The following CERS6 variants were observed in gnomAD, a reference collection of about 807,000 sequenced individuals.
The protein encoded by CERS6 is LAG1 homolog, ceramide synthase 6.
A neutral mutation model predicts 56.8 loss-of-function variants in CERS6; 26 were observed. That is an observed-to-expected ratio of 0.46 (90% CI 0.34 to 0.63). The LOEUF is 0.63. Ranked by LOEUF, CERS6 falls within the 30% of genes least tolerant of loss-of-function variation. CERS6 has a pLI of 0.01. For missense variants in CERS6, 415 were observed against 467.5 expected (o/e 0.89, Z 1.04); for synonymous variants, 164 against 173.3 (o/e 0.95, Z 0.42).
intron 1 of CERS6, among the ~76,000 whole-genome samples, chr2:168,546,821 T>C (rs1472628771): frequency 6.6e-6 from 1 of 152,224 alleles, no homozygotes; most frequent in Non-Finnish European, 1.5e-5. Context: ...TTTTACACAG[T>C]TTTATTAGCA....
chr2:168,468,871 G>A (rs1488253285), intron 1 of CERS6, among the ~76,000 whole-genome samples: 1 of 137,538 alleles, frequency 7.3e-6, no homozygotes, highest in East Asian at 2.3e-4. Context: ...GAGGAATGGG[G>A]CTTTGTCCAC....
rs2105321850 is a variant in CERS6 at position 168,467,448 on chromosome 2, C to T, written c.170+10830C>T. Among the ~76,000 whole-genome samples the T allele has an allele frequency of 1.3e-5, 2 of 152,268 alleles. 1 individual carries two copies. The highest frequency in any genetic ancestry group is 4.1e-4 in the South Asian group (2 of 4,824). On this transcript the variant is annotated intron_variant, in intron 1 of 9. Transcript: ENST00000305747. ...CTTTGTATGTCAGTGGGTGTGTGTACATCTTTGCATGGATAGACTTGATAA... is the reference window on the plus strand; with the variant it reads ...CTTTGTATGTCAGTGGGTGTGTGTATATCTTTGCATGGATAGACTTGATAA...
chr2:168,591,487 C>T (rs1015478962), intron 3 of CERS6, among the ~76,000 whole-genome samples: 1 of 152,162 alleles, frequency 6.6e-6, no homozygotes, highest in East Asian at 1.9e-4. Flanking sequence ...GTGTGTCTCA[C>T]CCTTGAAATA....
chr2:168,641,992 TTAAG>T (rs1175066172), intron 4 of CERS6, among the ~76,000 whole-genome samples: 2 of 152,190 alleles, frequency 1.3e-5, no homozygotes, highest in Non-Finnish European at 2.9e-5. Context: ...GGTATAGTAA[TTAAG>T]TGAGAATTCT....
chr2:168,456,392 CG>C lies in CERS6; in HGVS notation c.-56del. 1 of 1,426,394 alleles carries C rather than the reference CG, an allele frequency of 7.0e-7. No individual in the cohort carries two copies. Among genetic ancestry groups the C allele is most frequent in the Non-Finnish European group, 9.4e-7 (1 of 1,066,702 alleles). 88.4% of individuals were successfully genotyped at this position (1,426,394 alleles called of 1,614,324 possible). A position where few individuals can be genotyped will look rare whatever the true frequency, so the allele number is the denominator to read the frequency against. On this transcript the variant is annotated 5_prime_UTR_variant, in exon 1 of 10. Coordinates refer to ENST00000305747, the MANE Select transcript of CERS6 (RefSeq NM_203463.3). This position sits in a 1 kb window ranked among gnomAD's most constrained non-coding sequence, Gnocchi z 4.1. ...CGGGCGCGCATCCCCGGGCGCCCTG[CG>C]CGGTGGAGAGCTTGGCGGGCTGCGG...
At chr2:168,533,091 T>C (rs1695196453) in intron 1 of CERS6, among the ~76,000 whole-genome samples, 1 of 152,262 alleles carries the variant, frequency 6.6e-6, no homozygotes, top group Admixed American at 6.5e-5. Context: ...CTCTTCCTGA[T>C]AACAAATTTT....
intron 8 of CERS6, among the ~76,000 whole-genome samples, chr2:168,735,156 T>C (rs1240796405): frequency 2.6e-5 from 4 of 152,214 alleles, no homozygotes; most frequent in Non-Finnish European, 5.9e-5. Flanking sequence ...CCCTCCTCAA[T>C]TGAACAGTAT....
chr2:168,588,158 A>G lies in CERS6; in HGVS notation c.407+26836A>G, dbSNP rs78838293. On this transcript the variant is annotated intron_variant, in intron 3 of 9. Transcript: ENST00000305747. ...TAGTATCGACCTCCTGGCCTTAAGT[A>G]TTCCTCCTGTCTCAGCCTTCCAAAA... 4.4e-3 allele frequency among the ~76,000 whole-genome samples: 645 copies of G among 147,720 alleles called. 7 individuals are homozygous for G. Among genetic ancestry groups the G allele is most frequent in the African/African-American group, 0.015 (600 of 39,920 alleles).
At chr2:168,516,141 C>T (rs1031344654) in intron 1 of CERS6, among the ~76,000 whole-genome samples, 3 of 152,056 alleles carry the variant, frequency 2.0e-5, no homozygotes, top group Non-Finnish European at 2.9e-5. Flanking sequence ...AGGTTTGCCA[C>T]GTGGAAATGG....
chr2:168,570,044 A>G (rs1366396092), intron 3 of CERS6, among the ~76,000 whole-genome samples: 1 of 152,146 alleles, frequency 6.6e-6, no homozygotes, highest in African/African-American at 2.4e-5. Flanking sequence ...CCCTGGCCAC[A>G]TGGCTTCCTC....
At chr2:168,572,881 C>A (rs890374989) in intron 3 of CERS6, among the ~76,000 whole-genome samples, 2 of 152,112 alleles carry the variant, frequency 1.3e-5, no homozygotes, top group African/African-American at 4.8e-5. Context: ...TTGTAAGGCC[C>A]CCCAAAATGT....
chr2:168,643,997 G>A (rs375323960), intron 4 of CERS6, among the ~76,000 whole-genome samples: 2 of 152,140 alleles, frequency 1.3e-5, no homozygotes, highest in African/African-American at 4.8e-5. Context: ...GAAGGCATTC[G>A]CTAGTATATC....
At chr2:168,721,661 C>G (rs998298400) in intron 8 of CERS6, among the ~76,000 whole-genome samples, 2 of 149,046 alleles carry the variant, frequency 1.3e-5, no homozygotes, top group Non-Finnish European at 3.0e-5. Flanking sequence ...CTCTGTTGGC[C>G]AGGCTGGGCT....
intron 8 of CERS6, among the ~76,000 whole-genome samples, chr2:168,735,562 T>C (rs1683687776): frequency 6.6e-6 from 1 of 152,098 alleles, no homozygotes; most frequent in Non-Finnish European, 1.5e-5. Context: ...GGTGAGCTTT[T>C]GTCACCAACA....
intron 2 of CERS6, among the ~76,000 whole-genome samples, chr2:168,552,346 GTATA>G (rs1695587639): frequency 1.3e-5 from 1 of 76,690 alleles, no homozygotes; most frequent in South Asian, 5.0e-4. Flanking sequence ...TACATACAGA[GTATA>G]CACACACACA....
At chr2:168,760,842 G>T (rs959240385) in intron 8 of CERS6, among the ~76,000 whole-genome samples, 24 of 151,906 alleles carry the variant, frequency 1.6e-4, no homozygotes, top group Non-Finnish European at 2.6e-4. Context: ...TGCAAGCTCC[G>T]CCTCCCGGGT....
intron 4 of CERS6, among the ~76,000 whole-genome samples, chr2:168,643,462 T>C: frequency 6.6e-6 from 1 of 152,182 alleles, no homozygotes; most frequent in East Asian, 1.9e-4. Flanking sequence ...TTCTATGTAG[T>C]ACAAGAAGTG....
At chr2:168,669,998 A>G (rs920275715) in intron 4 of CERS6, among the ~76,000 whole-genome samples, 3 of 152,246 alleles carry the variant, frequency 2.0e-5, no homozygotes, top group African/African-American at 7.2e-5. Flanking sequence ...AGTATACTCC[A>G]TCGGATTCAT....
intron 1 of CERS6, among the ~76,000 whole-genome samples, chr2:168,505,289 G>C (rs1694655513): frequency 6.6e-6 from 1 of 150,824 alleles, no homozygotes; most frequent in Non-Finnish European, 1.5e-5. Context: ...GGCTGAGGTG[G>C]GAGGATTGAT....
Sources: allele counts gnomAD v4.1 joint callset (sites outside exome capture counted in the v4.1 genomes callset), GRCh38; gene constraint gnomAD v4.1.1; non-coding constraint Gnocchi (gnomAD v3.1); transcripts MANE v1.5; gene names NCBI Gene and HGNC (gene_info 2026-07-23, HGNC 2026-07-21).